CSMD1: variants seen among roughly 807,000 people sequenced by gnomAD.
CSMD1 encodes the protein CUB and Sushi multiple domains 1.
In CSMD1, 213 loss-of-function variants were observed where a neutral mutation model predicts 417.5. That is an observed-to-expected ratio of 0.51 (90% CI 0.46 to 0.57). CSMD1 has a LOEUF of 0.57. Among genes scored for constraint, CSMD1 ranks in the 20% least tolerant of loss-of-function variants. CSMD1 has a pLI of 0.00. For missense variants in CSMD1, 6,923 were observed against 4,529.7 expected (o/e 1.53, Z -15.17); for synonymous variants, 2,862 against 1,736.8 (o/e 1.65, Z -16.11).
chr8:3,362,241 C>G (rs1809236341), intron 20 of CSMD1, among the ~76,000 whole-genome samples: 1 of 152,164 alleles, frequency 6.6e-6, no homozygotes, highest in Non-Finnish European at 1.5e-5. Flanking sequence ...ATCATTAGCA[C>G]AAATTTTTCA....
At position 4,562,677 on chromosome 8, in the gene CSMD1, G is replaced by A. The variant is rs191476215; in HGVS notation, c.302+74665C>T. 2.6e-4 allele frequency among the ~76,000 whole-genome samples: 40 copies of A among 152,192 alleles called. 1 individual carries two copies. Among genetic ancestry groups the A allele is most frequent in the East Asian group, 1.5e-3 (8 of 5,168 alleles). On this transcript the variant is annotated intron_variant, in intron 2 of 69. Coordinates refer to ENST00000635120, the MANE Select transcript of CSMD1 (RefSeq NM_033225.6). ...GAGATCCAACTCAAGAGCAAGTCAC[G>A]CCACTGGTGTTCAGGCCCAGAACAC...
intron 1 of CSMD1, among the ~76,000 whole-genome samples, chr8:4,925,625 C>T (rs1164086638): frequency 6.6e-6 from 1 of 151,552 alleles, no homozygotes; most frequent in African/African-American, 2.4e-5. Context: ...CGGCTCACTG[C>T]AAGCTCTGCC....
chr8:4,678,714 C>G (rs1585438198), intron 1 of CSMD1, among the ~76,000 whole-genome samples: 1 of 152,048 alleles, frequency 6.6e-6, no homozygotes. Context: ...CTTCAAGGAC[C>G]CTGTTGTTAA....
Position 3,921,955 on chromosome 8 carries a change from T to A in CSMD1, c.818+75948A>T, listed in dbSNP as rs1161119116. On this transcript the variant is annotated intron_variant, in intron 5 of 69. Coordinates refer to ENST00000635120, the MANE Select transcript of CSMD1 (RefSeq NM_033225.6). ...CTTTCTTATTGATTTGATGTCTGGATGACATGTCTATTTTGGAAAGCAGTG... is the reference window on the plus strand; with the variant it reads ...CTTTCTTATTGATTTGATGTCTGGAAGACATGTCTATTTTGGAAAGCAGTG... 2.3e-4 allele frequency among the ~76,000 whole-genome samples: 35 copies of A among 152,176 alleles called. 1 individual carries two copies. Among genetic ancestry groups the A allele is most frequent in the Non-Finnish European group, 1.5e-5 (1 of 68,014 alleles).
intron 4 of CSMD1, among the ~76,000 whole-genome samples, chr8:4,023,181 T>C (rs544419624): frequency 1.3e-5 from 2 of 152,286 alleles, no homozygotes; most frequent in South Asian, 4.2e-4. Context: ...TTTCACCCAG[T>C]GCAATGTTGC....
chr8:3,908,400 C>G (rs544865834), intron 5 of CSMD1, among the ~76,000 whole-genome samples: 102 of 152,250 alleles, frequency 6.7e-4, no homozygotes, highest in African/African-American at 2.3e-3. Context: ...GATAAATTTG[C>G]ATCAGCATTC....
At chr8:4,108,037 GAGAAAGAGAGAC>G (rs1313273208) in intron 3 of CSMD1, among the ~76,000 whole-genome samples, 2 of 149,990 alleles carry the variant, frequency 1.3e-5, no homozygotes, top group African/African-American at 4.9e-5. Flanking sequence ...GAGAGAGAGA[GAGAAAGAGAGAC>G]AGAGACAGAG....
chr8:4,675,317 A>G (rs1259947216), intron 1 of CSMD1, among the ~76,000 whole-genome samples: 1 of 152,200 alleles, frequency 6.6e-6, no homozygotes, highest in Non-Finnish European at 1.5e-5. Flanking sequence ...ATCAACATCA[A>G]AAGTTATTTG....
chr8:3,691,438 G>C (rs572771061), intron 7 of CSMD1, among the ~76,000 whole-genome samples: 1 of 152,014 alleles, frequency 6.6e-6, no homozygotes, highest in Non-Finnish European at 1.5e-5. Context: ...ATGAAGAGAA[G>C]ATTGGCGCTT....
Position 2,951,288 on chromosome 8 carries a change from G to C in CSMD1, c.10040-13C>G. 6.3e-7 allele frequency: 1 copy of C among 1,593,368 alleles called. No homozygotes were observed. The highest frequency in any genetic ancestry group is 2.3e-5 in the East Asian group (1 of 44,368). ...ACATCTGAAGGAACTGTGGGAAGGG[G>C]GGAAACAGACCAATGTCAGCACACA... On this transcript the variant is annotated splice_polypyrimidine_tract_variant and intron_variant, in intron 65 of 69. Transcript: ENST00000635120.
At chr8:3,868,492 G>A (rs180713317) in intron 5 of CSMD1, among the ~76,000 whole-genome samples, 3 of 152,004 alleles carry the variant, frequency 2.0e-5, no homozygotes, top group Non-Finnish European at 2.9e-5. Context: ...TCATTCAACA[G>A]ACACAAAGAA....
At chr8:3,840,846 T>A (rs935041750) in intron 5 of CSMD1, among the ~76,000 whole-genome samples, 6 of 151,910 alleles carry the variant, frequency 3.9e-5, no homozygotes, top group African/African-American at 1.5e-4. Context: ...TGCCACTACG[T>A]ACAGGCGCCT....
At chr8:3,766,734 T>G (rs1055228490) in intron 5 of CSMD1, among the ~76,000 whole-genome samples, 4 of 152,200 alleles carry the variant, frequency 2.6e-5, no homozygotes, top group African/African-American at 9.6e-5. Context: ...TTGATATTAT[T>G]TTTAGCATAC....
intron 3 of CSMD1, among the ~76,000 whole-genome samples, chr8:4,182,810 A>C (rs1174332807): frequency 6.6e-6 from 1 of 152,224 alleles, no homozygotes; most frequent in Non-Finnish European, 1.5e-5. Context: ...TAATCAAGTT[A>C]AAACATGCAA....
At chr8:4,825,305 C>T (rs1355911392) in intron 1 of CSMD1, among the ~76,000 whole-genome samples, 1 of 152,100 alleles carries the variant, frequency 6.6e-6, no homozygotes, top group Non-Finnish European at 1.5e-5. Flanking sequence ...CAACTATTAG[C>T]TGTCAGTGTT....
chr8:3,196,243 G>T (rs532133641), intron 33 of CSMD1, among the ~76,000 whole-genome samples: 4 of 152,006 alleles, frequency 2.6e-5, no homozygotes, highest in African/African-American at 9.7e-5. Context: ...TACCCTAAAG[G>T]GTCTAAAAAG....
intron 1 of CSMD1, among the ~76,000 whole-genome samples, chr8:4,693,791 C>T (rs1806936650): frequency 6.6e-6 from 1 of 152,274 alleles, no homozygotes; most frequent in South Asian, 2.1e-4. Context: ...ATTCTCCTGC[C>T]TCAGCCTCCT....
At chr8:4,176,707 T>C (rs979839029) in intron 3 of CSMD1, among the ~76,000 whole-genome samples, 1 of 150,442 alleles carries the variant, frequency 6.6e-6, no homozygotes, top group Non-Finnish European at 1.5e-5. Context: ...GAGACACACA[T>C]AGGCTCAAAA....
At chr8:4,041,284 G>GCT (rs1797882119) in intron 3 of CSMD1, among the ~76,000 whole-genome samples, 4 of 151,972 alleles carry the variant, frequency 2.6e-5, no homozygotes, top group Non-Finnish European at 5.9e-5. Flanking sequence ...CCCAAAGTAC[G>GCT]GGGATTACAT....
Sources: gnomAD v4.1 joint callset for allele counts (sites outside exome capture counted in the v4.1 genomes callset) on GRCh38, gnomAD v4.1.1 for gene constraint, MANE v1.5 for transcripts, NCBI Gene and HGNC (gene_info 2026-07-23, HGNC 2026-07-21) for gene names.